NDUFS4: variants seen among roughly 807,000 people sequenced by gnomAD.
NDUFS4 encodes the protein NADH:ubiquinone oxidoreductase subunit S4, also known as NADH dehydrogenase [ubiquinone] iron-sulfur protein 4, mitochondrial.
A neutral mutation model predicts 24.3 loss-of-function variants in NDUFS4; 28 were observed. The observed-to-expected ratio is 1.15, with a 90% CI of 0.85 to 1.58. The LOEUF (loss-of-function observed/expected upper bound fraction) is 1.58, where lower values mean the gene tolerates loss of function less well. Ranked by LOEUF, NDUFS4 falls within the 40% of genes most tolerant of loss-of-function variation. The pLI is 0.00. For synonymous variants in NDUFS4, 93 were observed against 69.7 expected, an observed-to-expected ratio of 1.34 and a Z score of -1.67; for missense variants, 223 against 207.9, an observed-to-expected ratio of 1.07 and a Z score of -0.45.
At chr5:53,607,239 G>A (rs1750549770) in intron 2 of NDUFS4, among the ~76,000 whole-genome samples, 1 of 152,156 alleles carries the variant, frequency 6.6e-6, no homozygotes, top group Admixed American at 6.5e-5. Context: ...CGCAGTGATA[G>A]TTTTTCAACC....
chr5:53,683,218 A>G lies in NDUFS4; in HGVS notation c.525A>G (p.Lys175=). Residue 175 remains lysine (K), a synonymous_variant, in exon 5 of 5, where the codon AAA becomes AAG. Transcript: ENST00000296684. ...ACAAAAGAACAAGAGTATCCACAAA[A>G]TAGGTTGGCACTGACTATATCTCTG... is the stretch of plus-strand genomic sequence containing the variant. The part of the protein sequence containing the change: ...SWNKRTRVST[K] The G allele has an allele frequency of 6.3e-7, 1 of 1,594,454 alleles. No individual in the cohort carries two copies. The highest frequency in any genetic ancestry group is 8.6e-7 in the Non-Finnish European group (1 of 1,162,542).
chr5:53,662,165 A>C (rs1468241528), intron 4 of NDUFS4, among the ~76,000 whole-genome samples: 1 of 152,126 alleles, frequency 6.6e-6, no homozygotes, highest in Admixed American at 6.6e-5. Flanking sequence ...TTTTGAGATA[A>C]GTCACATCAA....
At chr5:53,613,587 T>A (rs1219653358) in intron 2 of NDUFS4, among the ~76,000 whole-genome samples, 1 of 150,116 alleles carries the variant, frequency 6.7e-6, no homozygotes, top group Non-Finnish European at 1.5e-5. Context: ...AAATTTTGTT[T>A]TAAAAGCAAC....
At chr5:53,655,915 C>CA (rs1005234631) in intron 3 of NDUFS4, among the ~76,000 whole-genome samples, 3 of 152,188 alleles carry the variant, frequency 2.0e-5, no homozygotes, top group Non-Finnish European at 4.4e-5. Context: ...CTGTAACAGG[C>CA]AGCTGCTGAA....
At chr5:53,588,908 C>A (rs1276831312) in intron 1 of NDUFS4, among the ~76,000 whole-genome samples, 2 of 151,194 alleles carry the variant, frequency 1.3e-5, no homozygotes, top group Non-Finnish European at 2.9e-5. Flanking sequence ...AAGTTTTAGA[C>A]CAAAAGATTC....
chr5:53,633,259 A>G (rs904697614), intron 2 of NDUFS4, among the ~76,000 whole-genome samples: 10 of 152,200 alleles, frequency 6.6e-5, no homozygotes, highest in Non-Finnish European at 1.5e-4. Flanking sequence ...GGAACCCCAC[A>G]ATATGGTGAC....
chr5:53,664,504 G>C (rs184660238), intron 4 of NDUFS4, among the ~76,000 whole-genome samples: 2 of 152,092 alleles, frequency 1.3e-5, no homozygotes, highest in African/African-American at 4.8e-5. Context: ...ATATAGTCCC[G>C]TATTTGTTGG....
intron 2 of NDUFS4, among the ~76,000 whole-genome samples, chr5:53,624,368 A>G (rs139531251): frequency 2.7e-3 from 412 of 152,118 alleles, no homozygotes; most frequent in African/African-American, 5.5e-3. Context: ...TTCTATTTCT[A>G]CCCCCAAAAT....
intron 1 of NDUFS4, among the ~76,000 whole-genome samples, chr5:53,588,263 C>T (rs1749832068): frequency 6.6e-6 from 1 of 152,190 alleles, no homozygotes; most frequent in African/African-American, 2.4e-5. Context: ...TGTTAACGAT[C>T]ATCTGAGCCT....
chr5:53,665,668 G>T (rs539214244), intron 4 of NDUFS4, among the ~76,000 whole-genome samples: 1 of 152,234 alleles, frequency 6.6e-6, no homozygotes, highest in Non-Finnish European at 1.5e-5. Context: ...TGCTAAGACC[G>T]TTGGAAAAGC....
intron 2 of NDUFS4, among the ~76,000 whole-genome samples, chr5:53,609,405 G>T (rs1750629317): frequency 6.6e-6 from 1 of 152,098 alleles, no homozygotes; most frequent in African/African-American, 2.4e-5. Flanking sequence ...CTTTTTTTCT[G>T]AGCAGTAGAT....
At chr5:53,672,751 G>C (rs1740323187) in intron 4 of NDUFS4, among the ~76,000 whole-genome samples, 1 of 151,970 alleles carries the variant, frequency 6.6e-6, no homozygotes, top group Admixed American at 6.6e-5. Flanking sequence ...ATGCTTTCTT[G>C]TATGCTTTGG....
intron 4 of NDUFS4, among the ~76,000 whole-genome samples, chr5:53,663,034 T>C (rs1430372229): frequency 2.0e-5 from 3 of 152,108 alleles, no homozygotes; most frequent in South Asian, 4.2e-4. Flanking sequence ...TTTGTTCTCG[T>C]TGGTTTCAAA....
At chr5:53,677,107 T>C (rs1740500224) in intron 4 of NDUFS4, among the ~76,000 whole-genome samples, 1 of 152,230 alleles carries the variant, frequency 6.6e-6, no homozygotes, top group Non-Finnish European at 1.5e-5. Context: ...GATTTTCAGA[T>C]ATACTTTTGG....
chr5:53,682,765 C>T (rs887718252), intron 4 of NDUFS4, among the ~76,000 whole-genome samples: 2 of 152,014 alleles, frequency 1.3e-5, no homozygotes, highest in Non-Finnish European at 2.9e-5. Context: ...TAATGTTCAT[C>T]GCTCTTCATT....
chr5:53,616,774 G>A (rs905648680), intron 2 of NDUFS4, among the ~76,000 whole-genome samples: 3 of 152,070 alleles, frequency 2.0e-5, no homozygotes, highest in South Asian at 2.1e-4. Flanking sequence ...GGTTTGATCC[G>A]ATTTACTTGT....
intron 1 of NDUFS4, among the ~76,000 whole-genome samples, chr5:53,562,240 A>G (rs887352406): frequency 9.9e-5 from 15 of 152,046 alleles, no homozygotes; most frequent in African/African-American, 3.6e-4. Context: ...TTTCTAAGGT[A>G]AAATACTTCA....
At chr5:53,578,049 A>G (rs1211525952) in intron 1 of NDUFS4, among the ~76,000 whole-genome samples, 1 of 152,180 alleles carries the variant, frequency 6.6e-6, no homozygotes, top group Admixed American at 6.5e-5. Flanking sequence ...TTCATCTCTG[A>G]CTGATTATCA....
intron 1 of NDUFS4, among the ~76,000 whole-genome samples, chr5:53,602,796 A>G (rs1280081194): frequency 6.6e-6 from 1 of 152,238 alleles, no homozygotes; most frequent in Non-Finnish European, 1.5e-5. Context: ...TCAGTAGTAT[A>G]AACAACAAAG....
Sources: allele counts gnomAD v4.1 joint callset (sites outside exome capture counted in the v4.1 genomes callset), GRCh38; gene constraint gnomAD v4.1.1; transcripts MANE v1.5; gene names NCBI Gene and HGNC (gene_info 2026-07-23, HGNC 2026-07-21).